Variants in IL1RAPL2 observed in about 807,000 individuals in gnomAD.
The protein encoded by IL1RAPL2 is X-linked interleukin-1 receptor accessory protein-like 2.
In IL1RAPL2, 3 loss-of-function variants were observed where a neutral mutation model predicts 44.1. The observed-to-expected ratio is 0.07, with a 90% CI of 0.03 to 0.18. IL1RAPL2 has a LOEUF of 0.18. Ranked by LOEUF, IL1RAPL2 falls within the 10% of genes least tolerant of loss-of-function variation. The pLI, the probability that IL1RAPL2 is intolerant of heterozygous loss-of-function variation, is 1.00. For missense variants in IL1RAPL2, 391 were observed against 496.4 expected, an observed-to-expected ratio of 0.79 and a Z score of 2.02; for synonymous variants, 181 against 178.8, an observed-to-expected ratio of 1.01 and a Z score of -0.10.
intron 5 of IL1RAPL2, among the ~76,000 whole-genome samples, chrX:105,305,143 C>T (rs938282434): frequency 1.8e-5 from 2 of 111,539 alleles, no homozygotes; most frequent in Non-Finnish European, 3.8e-5. Context: ...CCAGGCCCAC[C>T]TCTAGCATTG....
chrX:104,871,258 G>A (rs1922754502), intron 2 of IL1RAPL2, among the ~76,000 whole-genome samples: 1 of 111,308 alleles, frequency 9.0e-6, no homozygotes, highest in African/African-American at 3.3e-5. Flanking sequence ...TCTACTAAAG[G>A]AAATTTTCTT....
chrX:105,198,905 T>C (rs183940532), intron 3 of IL1RAPL2, among the ~76,000 whole-genome samples: 2 of 112,132 alleles, frequency 1.8e-5, no homozygotes, highest in East Asian at 5.6e-4. Context: ...ATCAAGGGTA[T>C]AAAGTATCAA....
intron 3 of IL1RAPL2, among the ~76,000 whole-genome samples, chrX:105,207,628 C>G: frequency 9.0e-6 from 1 of 111,692 alleles, no homozygotes; most frequent in East Asian, 2.8e-4. Context: ...TCCTCTAGCA[C>G]TTTTTTCCTT....
chrX:105,643,034 C>T (rs1291106641), intron 6 of IL1RAPL2, among the ~76,000 whole-genome samples: 1 of 112,691 alleles, frequency 8.9e-6, no homozygotes, highest in Non-Finnish European at 1.9e-5. Flanking sequence ...CCAAATACAA[C>T]TTTTGTGTTT....
At chrX:105,273,480 G>C (rs1186844916) in intron 5 of IL1RAPL2, among the ~76,000 whole-genome samples, 1 of 111,496 alleles carries the variant, frequency 9.0e-6, no homozygotes, top group Non-Finnish European at 1.9e-5. Flanking sequence ...TGTGAAAACT[G>C]GCCACAAAGA....
chrX:104,738,765 C>A (rs923645757), intron 2 of IL1RAPL2, among the ~76,000 whole-genome samples: 1 of 110,629 alleles, frequency 9.0e-6, no homozygotes, highest in Non-Finnish European at 1.9e-5. Context: ...CGTGGTGAGA[C>A]CCTACCTCTA....
At chrX:104,796,555 C>T (rs776838897) in intron 2 of IL1RAPL2, among the ~76,000 whole-genome samples, 16 of 111,592 alleles carry the variant, frequency 1.4e-4, no homozygotes, top group South Asian at 1.1e-3. Flanking sequence ...ATGCATTGTG[C>T]GGTGATGGGG....
At chrX:104,631,323 G>A (rs758704056) in intron 1 of IL1RAPL2, among the ~76,000 whole-genome samples, 6 of 111,940 alleles carry the variant, frequency 5.4e-5, no homozygotes, top group Non-Finnish European at 1.1e-4. Flanking sequence ...CTTTATAGAA[G>A]CATGATTTAT....
Position 104,847,040 on chromosome X carries a change from G to T in IL1RAPL2, c.82+188045G>T, listed in dbSNP as rs768563872. 4.5e-5 allele frequency among the ~76,000 whole-genome samples: 5 copies of T among 111,497 alleles called. No homozygotes were observed. The East Asian group carries it at 1.4e-3, about 32-fold the overall frequency. On this transcript the variant is annotated intron_variant, in intron 2 of 10. Coordinates refer to ENST00000372582, the MANE Select transcript of IL1RAPL2 (RefSeq NM_017416.2). ...ATATCCTTTGCCCACTTTTTGATGG[G>T]GTTGTTTTTTTCTTGTAAATTTGTT...
At chrX:105,076,813 C>T (rs1340685579) in intron 2 of IL1RAPL2, among the ~76,000 whole-genome samples, 2 of 111,162 alleles carry the variant, frequency 1.8e-5, no homozygotes, top group African/African-American at 6.6e-5. Flanking sequence ...TTCTTTGTCT[C>T]TTTTGATCTT....
chrX:104,889,369 T>C (rs1344014800), intron 2 of IL1RAPL2, among the ~76,000 whole-genome samples: 1 of 111,619 alleles, frequency 9.0e-6, no homozygotes, highest in Non-Finnish European at 1.9e-5. Flanking sequence ...CCAACACCCT[T>C]CCACCCGCTC....
At chrX:105,235,262 A>T (rs2034110403) in intron 4 of IL1RAPL2, among the ~76,000 whole-genome samples, 1 of 111,923 alleles carries the variant, frequency 8.9e-6, no homozygotes, top group Non-Finnish European at 1.9e-5. Flanking sequence ...ATGATATTCT[A>T]GCAGCTAACC....
intron 2 of IL1RAPL2, among the ~76,000 whole-genome samples, chrX:104,718,010 G>T (rs2147561850): frequency 9.0e-6 from 1 of 111,063 alleles, no homozygotes; most frequent in South Asian, 3.8e-4. Context: ...ATCATTGTTG[G>T]ACATTTGGGT....
intron 1 of IL1RAPL2, among the ~76,000 whole-genome samples, chrX:104,581,154 T>C (rs1928336994): frequency 8.9e-6 from 1 of 112,318 alleles, no homozygotes; most frequent in African/African-American, 3.2e-5. Flanking sequence ...GGGCTTCGAT[T>C]TTCAATTAGT....
intron 4 of IL1RAPL2, among the ~76,000 whole-genome samples, chrX:105,255,686 C>T (rs769125594): frequency 2.2e-4 from 25 of 111,917 alleles, no homozygotes; most frequent in Non-Finnish European, 3.8e-5. Flanking sequence ...ACTTCCAATA[C>T]TACATTGAAT....
intron 2 of IL1RAPL2, among the ~76,000 whole-genome samples, chrX:104,895,048 C>T (rs187450260): frequency 8.9e-5 from 10 of 112,516 alleles, no homozygotes; most frequent in African/African-American, 1.9e-4. Context: ...TTCTGGAGGT[C>T]CACTCCAGAC....
chrX:104,587,834 A>T (rs928269800), intron 1 of IL1RAPL2, among the ~76,000 whole-genome samples: 1 of 112,114 alleles, frequency 8.9e-6, no homozygotes, highest in Admixed American at 9.5e-5. Context: ...GACAATAGAA[A>T]TAATAACTTT....
In IL1RAPL2 at chrX:104,809,751, T is replaced by A. The variant is rs188692023; in HGVS notation, c.82+150756T>A. Among the ~76,000 whole-genome samples the A allele has an allele frequency of 6.5e-3, 702 of 107,194 alleles. 2 individuals are homozygous for A. The highest frequency in any genetic ancestry group is 0.018 in the Middle Eastern group (4 of 218). 93.1% of individuals were successfully genotyped at this position (107,194 alleles called of 115,157 possible). A position where few individuals can be genotyped will look rare whatever the true frequency, so the allele number is the denominator to read the frequency against. On this transcript the variant is annotated intron_variant, in intron 2 of 10. Coordinates refer to ENST00000372582, the MANE Select transcript of IL1RAPL2 (RefSeq NM_017416.2). Reference sequence around the variant, plus strand: ...AGTTTAGTTAGATCCCATTTGTCAATTTTGTCTTTTGTTGCTATTGCTTTT... The same window carrying A: ...AGTTTAGTTAGATCCCATTTGTCAAATTTGTCTTTTGTTGCTATTGCTTTT...
At chrX:105,699,048 G>T (rs1399091810) in intron 6 of IL1RAPL2, among the ~76,000 whole-genome samples, 2 of 111,540 alleles carry the variant, frequency 1.8e-5, no homozygotes, top group African/African-American at 3.3e-5. Context: ...GTTAATTCAT[G>T]AAAATATGTA....
Sources: gnomAD v4.1 joint callset for allele counts (sites outside exome capture counted in the v4.1 genomes callset) on GRCh38, gnomAD v4.1.1 for gene constraint, MANE v1.5 for transcripts, NCBI Gene and HGNC (gene_info 2026-07-23, HGNC 2026-07-21) for gene names.